The following FAF1 variants were observed in gnomAD, a reference collection of about 807,000 sequenced individuals.
FAF1 encodes Fas associated factor 1.
A neutral mutation model predicts 92.5 loss-of-function variants in FAF1; 25 were observed. The ratio of observed to expected loss-of-function variants is 0.27; its 90% CI spans 0.20 to 0.38. The LOEUF (loss-of-function observed/expected upper bound fraction) is 0.38, where lower values mean the gene tolerates loss of function less well. FAF1 is among the 10% of genes least tolerant of loss of function. The pLI is 1.00. For synonymous variants in FAF1, 234 were observed against 273.2 expected, an observed-to-expected ratio of 0.86 and a Z score of 1.42; for missense variants, 636 against 793.3, an observed-to-expected ratio of 0.80 and a Z score of 2.38.
chr1:50,638,122 T>C (rs893974862), intron 8 of FAF1, among the ~76,000 whole-genome samples: 1 of 152,228 alleles, frequency 6.6e-6, no homozygotes, highest in Non-Finnish European at 1.5e-5. Flanking sequence ...TGCTATTATA[T>C]TGTAACACAA....
chr1:50,682,790 T>C (rs934264095), intron 7 of FAF1, among the ~76,000 whole-genome samples: 9 of 152,124 alleles, frequency 5.9e-5, no homozygotes, highest in African/African-American at 1.2e-4. Flanking sequence ...TCTTTTAATA[T>C]TTAGTGTTAA....
At chr1:50,685,510 T>G (rs551899617) in intron 7 of FAF1, among the ~76,000 whole-genome samples, 17 of 152,308 alleles carry the variant, frequency 1.1e-4, no homozygotes, top group Non-Finnish European at 2.4e-4. Flanking sequence ...GGAAAAGCAA[T>G]GACCTTACTG....
At chr1:50,810,943 G>T (rs1368175563) in intron 2 of FAF1, among the ~76,000 whole-genome samples, 1 of 152,164 alleles carries the variant, frequency 6.6e-6, no homozygotes, top group East Asian at 1.9e-4. Flanking sequence ...CATTCAGGAG[G>T]CTGAGGCAGG....
intron 5 of FAF1, among the ~76,000 whole-genome samples, chr1:50,743,420 T>G (rs1021958133): frequency 2.6e-5 from 4 of 152,060 alleles, no homozygotes; most frequent in African/African-American, 7.2e-5. Flanking sequence ...CTCCACCTTG[T>G]GGGTTCAAGC....
At chr1:50,913,353 G>C (rs767219334) in intron 1 of FAF1, among the ~76,000 whole-genome samples, 4 of 152,164 alleles carry the variant, frequency 2.6e-5, no homozygotes, top group Non-Finnish European at 4.4e-5. Flanking sequence ...ATCCGTACAA[G>C]AGAAGGTACA....
At chr1:50,541,664 A>G (rs904937806) in intron 13 of FAF1, among the ~76,000 whole-genome samples, 2 of 152,172 alleles carry the variant, frequency 1.3e-5, no homozygotes, top group African/African-American at 4.8e-5. Flanking sequence ...AGCAGATATA[A>G]CAAATTATCT....
intron 7 of FAF1, among the ~76,000 whole-genome samples, chr1:50,680,540 G>T (rs938048287): frequency 1.3e-5 from 2 of 151,786 alleles, no homozygotes; most frequent in East Asian, 3.9e-4. Context: ...AAAATTAGGC[G>T]GGTGTGGTGG....
intron 4 of FAF1, among the ~76,000 whole-genome samples, chr1:50,749,619 C>T (rs529624464): frequency 1.3e-5 from 2 of 152,262 alleles, no homozygotes; most frequent in South Asian, 4.1e-4. Flanking sequence ...GACACCACCA[C>T]TGCAAAAAAT....
At position 50,439,775 on chromosome 1, in the gene FAF1, T is replaced by C. The variant is rs967272694; in HGVS notation, c.*1665A>G. 2 of 152,100 alleles carry C rather than the reference T, an allele frequency of 1.3e-5. No individual in the cohort carries two copies. Among genetic ancestry groups the C allele is most frequent in the African/African-American group, 2.4e-5 (1 of 41,398 alleles). The allele number at this position is 152,100 out of a possible 1,614,324, so 9.4% of individuals were successfully genotyped here. ...TTGTAGAGCCATTAGATTAGGAAGA[T>C]AGGAATAGAGCTGGAGAGAAGTGTT... On this transcript the variant is annotated 3_prime_UTR_variant, in exon 19 of 19. Transcript: ENST00000396153.
At chr1:50,887,740 T>C (rs1275137476) in intron 1 of FAF1, among the ~76,000 whole-genome samples, 1 of 152,198 alleles carries the variant, frequency 6.6e-6, no homozygotes, top group Non-Finnish European at 1.5e-5. Flanking sequence ...GGTCTATATC[T>C]CTGTTTTGGT....
intron 1 of FAF1, among the ~76,000 whole-genome samples, chr1:50,955,367 C>T (rs1273594564): frequency 6.6e-6 from 1 of 152,316 alleles, no homozygotes; most frequent in East Asian, 1.9e-4. Flanking sequence ...CCCCTCCTGG[C>T]TCTGGCCAGC....
intron 12 of FAF1, among the ~76,000 whole-genome samples, chr1:50,572,899 A>G (rs1650511983): frequency 1.3e-5 from 2 of 152,120 alleles, no homozygotes; most frequent in South Asian, 2.1e-4. Flanking sequence ...GGGTCTCACT[A>G]TGTTGCCCAA....
Position 50,884,364 on chromosome 1 carries a change from A to G in FAF1, c.46-26367T>C, listed in dbSNP as rs187415495. On this transcript the variant is annotated intron_variant, in intron 1 of 18. Transcript: ENST00000396153. ...CCCTGCCTCTACTAAAAAAAAAGAAAAAAAAAATACAAAATTAGCCGGGCA... is the reference window on the plus strand; with the variant it reads ...CCCTGCCTCTACTAAAAAAAAAGAAGAAAAAAATACAAAATTAGCCGGGCA... Among the ~76,000 whole-genome samples the G allele has an allele frequency of 2.0e-4, 30 of 151,572 alleles. No individual in the cohort carries two copies. The East Asian group carries it at 5.3e-3, about 27-fold the overall frequency.
intron 7 of FAF1, among the ~76,000 whole-genome samples, chr1:50,695,089 T>C (rs961475818): frequency 9.2e-5 from 14 of 152,158 alleles, no homozygotes; most frequent in Non-Finnish European, 1.9e-4. Flanking sequence ...TAGTTACACA[T>C]AGATTCTTAA....
At chr1:50,819,932 TTTAA>T (rs1179940977) in intron 2 of FAF1, among the ~76,000 whole-genome samples, 2 of 150,110 alleles carry the variant, frequency 1.3e-5, no homozygotes, top group Non-Finnish European at 3.0e-5. Flanking sequence ...ATTTTTCCAC[TTTAA>T]TTGACAATTT....
chr1:50,771,738 TAAAAATAC>T (rs1364224732), intron 4 of FAF1, among the ~76,000 whole-genome samples: 3 of 152,012 alleles, frequency 2.0e-5, no homozygotes, highest in Non-Finnish European at 4.4e-5. Context: ...CCTTCTCTAG[TAAAAATAC>T]AAAAATCAGC....
intron 7 of FAF1, among the ~76,000 whole-genome samples, chr1:50,677,444 C>T (rs1656171817): frequency 6.6e-6 from 1 of 152,106 alleles, no homozygotes; most frequent in Non-Finnish European, 1.5e-5. Flanking sequence ...TTATGTTTTA[C>T]ATTTCTGAAT....
chr1:50,889,981 T>G (rs939786877), intron 1 of FAF1, among the ~76,000 whole-genome samples: 11 of 152,290 alleles, frequency 7.2e-5, no homozygotes, highest in Admixed American at 5.2e-4. Flanking sequence ...AGTCTCCTAT[T>G]ATTATTGTGT....
At chr1:50,687,799 C>G (rs568386424) in intron 7 of FAF1, among the ~76,000 whole-genome samples, 1 of 151,456 alleles carries the variant, frequency 6.6e-6, no homozygotes, top group South Asian at 2.1e-4. Flanking sequence ...AAAATGCAAG[C>G]CAGAACCACG....
Sources: allele counts gnomAD v4.1 joint callset (sites outside exome capture counted in the v4.1 genomes callset), GRCh38; gene constraint gnomAD v4.1.1; transcripts MANE v1.5; gene names NCBI Gene and HGNC (gene_info 2026-07-23, HGNC 2026-07-21).